CDHR3: variants seen among roughly 807,000 people sequenced by gnomAD.
The protein encoded by CDHR3 is cadherin related family member 3, also known as cadherin-related family member 3.
Under a neutral mutation model 86.6 loss-of-function variants are expected in CDHR3, and 79 were observed. The ratio of observed to expected loss-of-function variants is 0.91; its 90% CI spans 0.76 to 1.10. CDHR3 has a LOEUF of 1.10. CDHR3 is among the 50% of genes least tolerant of loss of function. The pLI is 0.00. For missense variants in CDHR3, 1,081 were observed against 1,077.6 expected, an observed-to-expected ratio of 1.00 and a Z score of -0.04; for synonymous variants, 421 against 402.4, an observed-to-expected ratio of 1.05 and a Z score of -0.55.
intron 4 of CDHR3, among the ~76,000 whole-genome samples, chr7:105,987,978 C>A (rs948440455): frequency 3.3e-5 from 5 of 152,246 alleles, no homozygotes; most frequent in Non-Finnish European, 4.4e-5. Context: ...GCAGCCTCAA[C>A]TTTCCTGGCT....
At chr7:105,989,213 C>T (rs1187118008) in intron 4 of CDHR3, among the ~76,000 whole-genome samples, 1 of 74,730 alleles carries the variant, frequency 1.3e-5, no homozygotes, top group Non-Finnish European at 2.5e-5. Flanking sequence ...TCTTTGGGTA[C>T]CCACCCCCCC....
rs1243560685 is a variant in CDHR3, at chr7:105,984,084, A to G, written c.416-108A>G. The G allele has an allele frequency of 9.3e-6, 5 of 539,040 alleles. No individual in the cohort carries two copies. The East Asian group carries it at 1.5e-4, about 17-fold the overall frequency. The allele number at this position is 539,040 out of a possible 1,614,324, so 33.4% of individuals were successfully genotyped here. On this transcript the variant is annotated intron_variant, in intron 3 of 18. Coordinates refer to ENST00000317716, the MANE Select transcript of CDHR3 (RefSeq NM_152750.5). ...TTTTTATTGCATTCTTGGTCCCACG[A>G]TGCCAACACCCTTGGTTCCCTTGGT... is the stretch of plus-strand genomic sequence containing the variant.
At chr7:106,013,915 ATATATTT>A (rs1280493840) in intron 9 of CDHR3, among the ~76,000 whole-genome samples, 2 of 152,154 alleles carry the variant, frequency 1.3e-5, no homozygotes, top group Non-Finnish European at 2.9e-5. Context: ...TTTTCTATAG[ATATATTT>A]TATGTGTATT....
At chr7:105,976,590 C>T (rs1389337888) in intron 2 of CDHR3, among the ~76,000 whole-genome samples, 1 of 152,162 alleles carries the variant, frequency 6.6e-6, no homozygotes, top group Non-Finnish European at 1.5e-5. Context: ...AAACCCTGTA[C>T]CCATTAGCAG....
intron 1 of CDHR3, among the ~76,000 whole-genome samples, chr7:105,971,390 C>A (rs1827954618): frequency 6.6e-6 from 1 of 152,120 alleles, no homozygotes; most frequent in Non-Finnish European, 1.5e-5. Flanking sequence ...ACAGGCGGTT[C>A]CCAATAAAAA....
chr7:106,004,566 A>G lies in CDHR3; in HGVS notation c.931A>G (p.Ile311Val). The change falls in exon 8 of 19, where the codon ATT becomes GTT. Residue 311 changes from isoleucine to valine, a missense_variant. Coordinates refer to ENST00000317716, the MANE Select transcript of CDHR3 (RefSeq NM_152750.5). ...AGGTGAATTGAGACAAAATCCCACC[A>G]TTTCCCTGGAAGTTCTAGTGAAGGA... ...DAGELRQNPT[I>V]SLEVLVKDRP... The G allele has an allele frequency of 3.1e-6, 5 of 1,613,980 alleles. No individual in the cohort carries two copies. The South Asian group carries it at 5.5e-5, about 18-fold the overall frequency.
At chr7:106,017,373 A>T (rs994172917) in intron 11 of CDHR3, among the ~76,000 whole-genome samples, 2 of 152,168 alleles carry the variant, frequency 1.3e-5, no homozygotes, top group Non-Finnish European at 2.9e-5. Flanking sequence ...CCTGGCCGAC[A>T]TGGTGAAACC....
chr7:106,018,742 A>C (rs1352346753), intron 12 of CDHR3, among the ~76,000 whole-genome samples: 1 of 151,972 alleles, frequency 6.6e-6, no homozygotes, highest in Non-Finnish European at 1.5e-5. Flanking sequence ...GGAGTTATGC[A>C]TTTCCTCCCC....
Position 105,988,765 on chromosome 7 carries a change from G to C in CDHR3, c.513+4476G>C, listed in dbSNP as rs542782348. On this transcript the variant is annotated intron_variant, in intron 4 of 18. Coordinates refer to ENST00000317716, the MANE Select transcript of CDHR3 (RefSeq NM_152750.5). ...ATACTGTGAGCCAGAAATGAGTCCTGCACATGTAATTTTAAATGTTCTAGT... is the reference window on the plus strand; with the variant it reads ...ATACTGTGAGCCAGAAATGAGTCCTCCACATGTAATTTTAAATGTTCTAGT... Among the ~76,000 whole-genome samples the C allele has an allele frequency of 2.6e-5, 4 of 152,226 alleles. No homozygotes were observed. In the East Asian group the frequency reaches 7.7e-4, roughly 29 times the overall value.
chr7:106,025,183 A>G (rs1837174352), intron 15 of CDHR3, among the ~76,000 whole-genome samples: 1 of 152,206 alleles, frequency 6.6e-6, no homozygotes, highest in Admixed American at 6.5e-5. Context: ...TAGTAGAGTG[A>G]CGTGAAGAGA....
intron 4 of CDHR3, among the ~76,000 whole-genome samples, chr7:105,993,278 G>T (rs963099088): frequency 6.6e-6 from 1 of 152,122 alleles, no homozygotes; most frequent in Non-Finnish European, 1.5e-5. Flanking sequence ...TTTACGGCAC[G>T]CATTCTCATT....
At chr7:105,969,961 C>G (rs895114800) in intron 1 of CDHR3, among the ~76,000 whole-genome samples, 1 of 152,072 alleles carries the variant, frequency 6.6e-6, no homozygotes, top group African/African-American at 2.4e-5. Context: ...AGGGACCAGC[C>G]TAAGGTCACA....
chr7:105,990,109 G>A (rs568741715), intron 4 of CDHR3, among the ~76,000 whole-genome samples: 2 of 152,318 alleles, frequency 1.3e-5, no homozygotes, highest in South Asian at 4.1e-4. Flanking sequence ...GGGGATCATT[G>A]TTATTAAGAT....
chr7:106,026,896 C>G (rs944455879), intron 16 of CDHR3, among the ~76,000 whole-genome samples: 7 of 152,156 alleles, frequency 4.6e-5, no homozygotes, highest in African/African-American at 1.7e-4. Flanking sequence ...CTTGGCCTGC[C>G]TGGATATCTC....
rs758080132 is a variant in CDHR3, at chr7:106,024,543, G to T, written c.2239G>T (p.Gly747Trp). 1 of 1,614,018 alleles carries T rather than the reference G, an allele frequency of 6.2e-7. No homozygotes were observed. The highest frequency in any genetic ancestry group is 1.1e-5 in the South Asian group (1 of 91,078). The change falls in exon 15 of 19, where the codon GGG becomes TGG. Residue 747 changes from glycine to tryptophan, a missense_variant. Gly to Trp is a radical substitution (Grantham distance 184). Coordinates refer to ENST00000317716, the MANE Select transcript of CDHR3 (RefSeq NM_152750.5). The stretch of plus-strand genomic sequence containing the variant: ...CCACAGACACTGCCCCTGCAAGACT[G>T]GGAAGAACAAGGAACCTCTGTAAGT... ...AIHRHCPCKT[G>W]KNKEPLTKKG... is the part of the protein sequence containing the mutation.
intron 4 of CDHR3, among the ~76,000 whole-genome samples, chr7:105,985,042 G>A (rs1830318826): frequency 2.2e-5 from 3 of 139,462 alleles, no homozygotes; most frequent in South Asian, 2.5e-4. Context: ...CTGGGCAATA[G>A]AGCAAGACCC....
At chr7:106,009,754 C>T (rs1834502114) in intron 8 of CDHR3, among the ~76,000 whole-genome samples, 1 of 152,172 alleles carries the variant, frequency 6.6e-6, no homozygotes, top group African/African-American at 2.4e-5. Context: ...GCCCAGGGCC[C>T]GACGGAGGCA....
chr7:105,975,451 T>C (rs1828661975), intron 2 of CDHR3, among the ~76,000 whole-genome samples: 1 of 152,222 alleles, frequency 6.6e-6, no homozygotes, highest in African/African-American at 2.4e-5. Flanking sequence ...AGTCTGATTT[T>C]TTCAGAAGAT....
intron 4 of CDHR3, among the ~76,000 whole-genome samples, chr7:105,993,134 C>A (rs1298654928): frequency 6.6e-6 from 1 of 152,120 alleles, no homozygotes; most frequent in Non-Finnish European, 1.5e-5. Flanking sequence ...ATGATCTGAT[C>A]CAGAGATCTA....
Sources: gnomAD v4.1 joint callset for allele counts (sites outside exome capture counted in the v4.1 genomes callset) on GRCh38, gnomAD v4.1.1 for gene constraint, MANE v1.5 for transcripts, NCBI Gene and HGNC (gene_info 2026-07-23, HGNC 2026-07-21) for gene names.